ECE1: variants seen among roughly 807,000 people sequenced by gnomAD.
ECE1 encodes endothelin-converting enzyme 1.
Under a neutral mutation model 98.6 loss-of-function variants are expected in ECE1, and 35 were observed. The ratio of observed to expected loss-of-function variants is 0.35; its 90% confidence interval spans 0.27 to 0.47. ECE1 has a LOEUF of 0.47. Ranked by LOEUF, ECE1 falls within the 20% of genes least tolerant of loss-of-function variation. The pLI, the probability that ECE1 is intolerant of heterozygous loss-of-function variation, is 1.00. For missense variants in ECE1, 814 were observed against 1,025.3 expected, an observed-to-expected ratio of 0.79 and a Z score of 2.81; for synonymous variants, 394 against 407.1, an observed-to-expected ratio of 0.97 and a Z score of 0.39.
chr1:21,226,705 C>T (rs1182180376), intron 16 of ECE1, among the ~76,000 whole-genome samples: 1 of 152,114 alleles, frequency 6.6e-6, no homozygotes, highest in Non-Finnish European at 1.5e-5. Flanking sequence ...TAAATTTTTA[C>T]TTTCTTAGTA....
intron 1 of ECE1, among the ~76,000 whole-genome samples, chr1:21,330,865 T>A (rs1340868432): frequency 6.6e-6 from 1 of 152,156 alleles, no homozygotes; most frequent in Non-Finnish European, 1.5e-5. Flanking sequence ...TAAGATTAAT[T>A]TCTTCCCTTT....
intron 2 of ECE1, among the ~76,000 whole-genome samples, chr1:21,287,903 T>G (rs2103356288): frequency 1.3e-5 from 2 of 152,306 alleles, no homozygotes; most frequent in Admixed American, 1.3e-4. Flanking sequence ...AATTCCTTTT[T>G]ATACTTGACT....
At chr1:21,296,166 G>C (rs985136808) in intron 1 of ECE1, among the ~76,000 whole-genome samples, 6 of 152,106 alleles carry the variant, frequency 3.9e-5, no homozygotes, top group African/African-American at 1.4e-4. Context: ...AGATTGCCCA[G>C]GTGATGGAGG....
At chr1:21,302,649 G>C (rs945963133) in intron 1 of ECE1, among the ~76,000 whole-genome samples, 1 of 152,124 alleles carries the variant, frequency 6.6e-6, no homozygotes, top group African/African-American at 2.4e-5. Context: ...CCCCTGCCCT[G>C]AGGAATGCAC....
chr1:21,286,955 C>A (rs2098261240), intron 2 of ECE1, among the ~76,000 whole-genome samples: 2 of 151,388 alleles, frequency 1.3e-5, no homozygotes, highest in South Asian at 4.2e-4. Context: ...AAAACCCTTT[C>A]AGGTGAGGTA....
chr1:21,292,097 A>C (rs1184158634), upstream of ECE1, among the ~76,000 whole-genome samples: 1 of 152,012 alleles, frequency 6.6e-6, no homozygotes, highest in African/African-American at 2.4e-5. Context: ...TGGCGGCTAC[A>C]GTGAGCTGTG....
intron 2 of ECE1, among the ~76,000 whole-genome samples, chr1:21,280,415 G>A (rs552814721): frequency 3.9e-5 from 6 of 152,292 alleles, no homozygotes; most frequent in South Asian, 2.1e-4. Context: ...TTCCTGGAAC[G>A]GGTGATGTCT....
intron 11 of ECE1, among the ~76,000 whole-genome samples, chr1:21,237,429 A>C (rs1426858732): frequency 2.6e-5 from 4 of 152,150 alleles, no homozygotes. Context: ...GCAGACCCCA[A>C]CTCAGACCCT....
chr1:21,255,898 G>A, intron 8 of ECE1, 49 bp downstream of exon 8: 1 of 1,602,232 alleles, frequency 6.2e-7, no homozygotes, highest in Non-Finnish European at 8.5e-7. Flanking sequence ...GGCCCTGTCT[G>A]AAACCTGGAG....
Position 21,220,697 on chromosome 1 carries a change from G to A in ECE1, c.2137-566C>T, listed in dbSNP as rs947150714. 6.6e-5 allele frequency among the ~76,000 whole-genome samples: 10 copies of A among 152,176 alleles called. No individual in the cohort carries two copies. The highest frequency in any genetic ancestry group is 2.4e-4 in the African/African-American group (10 of 41,434). Reference sequence around the variant, plus strand: ...CTATATCCCAGCTACATGAGAGGATGAGGCAGGAGAATCACTTGAACCCGG... The same window carrying A: ...CTATATCCCAGCTACATGAGAGGATAAGGCAGGAGAATCACTTGAACCCGG... On this transcript the variant is annotated intron_variant, in intron 18 of 18. Coordinates refer to ENST00000374893, the MANE Select transcript of ECE1 (RefSeq NM_001397.3). The surrounding 1 kb of genome is among the most constrained non-coding windows in gnomAD (Gnocchi z 5.0).
intron 15 of ECE1, 64 bp from the exon 16 acceptor site, chr1:21,227,290 G>C (rs2098175620): frequency 6.7e-7 from 1 of 1,497,752 alleles, no homozygotes; most frequent in African/African-American, 1.4e-5. Context: ...CTCTTGCTCA[G>C]GTATGTGACC....
chr1:21,345,138 G>C lies in ECE1; in HGVS notation c.3+238C>G. ...AGCCCCCCACATCCGGCTGGGACCA[G>C]AACCAAGCTCGGCGCGGCCGCCCCC... On this transcript the variant is annotated intron_variant, in intron 1 of 18. Transcript: ENST00000415912. This position sits in a 1 kb window ranked among gnomAD's most constrained non-coding sequence, Gnocchi z 5.1. The C allele has an allele frequency of 2.9e-6, 1 of 346,368 alleles. No homozygotes were observed. Among genetic ancestry groups the C allele is most frequent in the Non-Finnish European group, 4.5e-6 (1 of 221,006 alleles). The allele number at this position is 346,368 out of a possible 1,614,324, so 21.5% of individuals were successfully genotyped here.
chr1:21,323,319 C>T (rs1639002799), intron 1 of ECE1, among the ~76,000 whole-genome samples: 1 of 152,140 alleles, frequency 6.6e-6, no homozygotes, highest in African/African-American at 2.4e-5. Flanking sequence ...TCAAAATACA[C>T]AATAGCCCTG....
rs771981920 is a variant in ECE1, at chr1:21,255,931, C to T, written c.1020+16G>A. The T allele has an allele frequency of 2.4e-5, 39 of 1,613,674 alleles. No homozygotes were observed. The highest frequency in any genetic ancestry group is 3.2e-5 in the Non-Finnish European group (38 of 1,179,888). Reference sequence around the variant, plus strand: ...GAGGCCATCCCAGCCTCCCTAGCAGCCGGCGCTCAAGTTACCTGCAGCTCG... The same window carrying T: ...GAGGCCATCCCAGCCTCCCTAGCAGTCGGCGCTCAAGTTACCTGCAGCTCG... On this transcript the variant is annotated intron_variant, in intron 8 of 18. Coordinates refer to ENST00000374893, the MANE Select transcript of ECE1 (RefSeq NM_001397.3).
At position 21,217,312 on chromosome 1, in the gene ECE1, C is replaced by G. The variant is rs2098161930; in HGVS notation, c.*2643G>C. 1 of 152,278 alleles carries G rather than the reference C, an allele frequency of 6.6e-6. No individual in the cohort carries two copies. The highest frequency in any genetic ancestry group is 2.1e-4 in the South Asian group (1 of 4,826). 9.4% of individuals were successfully genotyped at this position (152,278 alleles called of 1,614,324 possible). Reference sequence around the variant, plus strand: ...ACGCCAAAACTACAGTAGCTCAAAACATAATACAAAAAATAGATTCCCAGC... The same window carrying G: ...ACGCCAAAACTACAGTAGCTCAAAAGATAATACAAAAAATAGATTCCCAGC... On this transcript the variant is annotated 3_prime_UTR_variant, in exon 19 of 19. Transcript: ENST00000374893.
chr1:21,217,905 G>A lies in ECE1; in HGVS notation c.*2050C>T, dbSNP rs2098162711. 6.6e-6 allele frequency: 1 copy of A among 152,516 alleles called. No individual in the cohort carries two copies. The highest frequency in any genetic ancestry group is 1.5e-5 in the Non-Finnish European group (1 of 68,314). The allele number at this position is 152,516 out of a possible 1,614,324, so 9.4% of individuals were successfully genotyped here. On this transcript the variant is annotated 3_prime_UTR_variant, in exon 19 of 19. Transcript: ENST00000374893. The stretch of plus-strand genomic sequence containing the variant: ...TCCCTGTGCCGTCTGCTTCCTCTCG[G>A]GCAGGAGGATTCCAGCTTCCCGGGT...
At position 21,255,963 on chromosome 1, in the gene ECE1, G is replaced by A. The variant is rs1022920903; in HGVS notation, c.1004C>T (p.Thr335Met). The change falls in exon 8 of 19, where the codon ACG becomes ATG. Residue 335 changes from threonine (T) to methionine (M), a missense_variant. Transcript: ENST00000374893. ...TCAAGTTACCTGCAGCTCGGCTGCC[G>A]TCACTTTGTGGTAGATGAGCTCCTC... ...RDEELIYHKV[T>M]AAELQTLAPA... 4.3e-6 allele frequency: 7 copies of A among 1,613,960 alleles called. No individual in the cohort carries two copies. Among genetic ancestry groups the A allele is most frequent in the South Asian group, 2.2e-5 (2 of 91,088 alleles).
At chr1:21,245,157 C>T (rs527981775) in intron 9 of ECE1, 54 bp from the exon 10 acceptor site, 267 of 1,517,310 alleles carry the variant, frequency 1.8e-4, no homozygotes, top group African/African-American at 2.5e-4. Context: ...GGGAGGATTG[C>T]GGCCCTTCCC....
chr1:21,309,262 G>A (rs1638663836), intron 1 of ECE1, among the ~76,000 whole-genome samples: 1 of 152,178 alleles, frequency 6.6e-6, no homozygotes, highest in South Asian at 2.1e-4. Context: ...CTGTGGTTAA[G>A]GACAGAAACT....
Sources: gnomAD v4.1 joint callset for allele counts (sites outside exome capture counted in the v4.1 genomes callset) on GRCh38, gnomAD v4.1.1 for gene constraint, Gnocchi (gnomAD v3.1) non-coding constraint, MANE v1.5 for transcripts, NCBI Gene and HGNC (gene_info 2026-07-23, HGNC 2026-07-21) for gene names.